The following HECTD4 variants were observed in gnomAD, a reference collection of about 807,000 sequenced individuals.
HECTD4 encodes the protein HECT domain E3 ubiquitin protein ligase 4, also known as probable E3 ubiquitin-protein ligase HECTD4.
Under a neutral mutation model 471.5 loss-of-function variants are expected in HECTD4, and 114 were observed. The observed-to-expected ratio is 0.24, with a 90% CI of 0.21 to 0.28. The LOEUF is 0.28. HECTD4 is among the 10% of genes least tolerant of loss of function. The pLI is 1.00. For missense variants in HECTD4, 3,866 were observed against 5,651.5 expected, an observed-to-expected ratio of 0.68 and a Z score of 10.13; for synonymous variants, 2,012 against 2,256.0, an observed-to-expected ratio of 0.89 and a Z score of 3.07.
chr12:112,194,926 A>G lies in HECTD4; in HGVS notation c.8708T>C (p.Leu2903Pro). 1 of 1,609,128 alleles carries G rather than the reference A, an allele frequency of 6.2e-7. No homozygotes were observed. Among genetic ancestry groups the G allele is most frequent in the Non-Finnish European group, 8.5e-7 (1 of 1,177,862 alleles). ...GAGGAGCTGATTGGACAGCAGTTGC[A>G]GGTGCTCCAGGGTAATGTCCCGGAT... Reference protein sequence around the residue: ...PAIRDITLEHLQLLSNQLLAP... With the variant: ...PAIRDITLEHPQLLSNQLLAP... The change falls in exon 56 of 76, where the codon CTG becomes CCG. Residue 2903 changes from leucine to proline, a missense_variant. By Grantham distance (98) the Leu-to-Pro change is moderately conservative. Transcript: ENST00000682272. This position sits in a 1 kb window ranked among gnomAD's most constrained non-coding sequence, Gnocchi z 4.6.
Position 112,184,284 on chromosome 12 carries a change from G to C in HECTD4, c.10682C>G (p.Thr3561Arg), listed in dbSNP as rs543857742. ...GGAGCCCATGTCCGACACCGAGGCCGTCTCTGCATTGTCCAGGGGCTCCCC... is the reference window on the plus strand; with the variant it reads ...GGAGCCCATGTCCGACACCGAGGCCCTCTCTGCATTGTCCAGGGGCTCCCC... The part of the protein sequence containing the change: ...SLGEPLDNAE[T>R]ASVSDMGSMY... The change falls in exon 61 of 76, where the codon ACG (threonine) becomes AGG (arginine). Residue 3561 changes from threonine (T) to arginine (R), a missense_variant. This residue lies in a region of HECTD4 where 192 missense variants were observed against 189.9 expected (regional missense o/e 1.01). Transcript: ENST00000682272. This position sits in a 1 kb window ranked among gnomAD's most constrained non-coding sequence, Gnocchi z 9.1. 3.7e-6 allele frequency: 6 copies of C among 1,613,476 alleles called. No individual in the cohort carries two copies. Among genetic ancestry groups the C allele is most frequent in the Non-Finnish European group, 8.5e-7 (1 of 1,179,816 alleles).
Position 112,247,464 on chromosome 12 carries a change from C to T in HECTD4, c.4335G>A (p.Leu1445=). 1 of 1,498,074 alleles carries T rather than the reference C, an allele frequency of 6.7e-7. No homozygotes were observed. Among genetic ancestry groups the T allele is most frequent in the Non-Finnish European group, 9.1e-7 (1 of 1,104,346 alleles). 92.8% of individuals were successfully genotyped at this position (1,498,074 alleles called of 1,614,324 possible). The change falls in exon 28 of 76, where the codon CTG becomes CTA. Residue 1445 remains leucine, a splice_region_variant and synonymous_variant. Coordinates refer to ENST00000682272, the MANE Select transcript of HECTD4 (RefSeq NM_001388303.1). Reference sequence around the variant, plus strand: ...TAATAGTTATTAATACGACTAACCTCAGTGATAGGACCATGTTTTCAAGAT... The same window carrying T: ...TAATAGTTATTAATACGACTAACCTTAGTGATAGGACCATGTTTTCAAGAT... ...GNDLENMVLS[L]REKFLQEVNS... is the part of the protein sequence containing the mutation.
At chr12:112,297,227 GGTGCAGAGGATGTAA>G (rs1193986163) in intron 7 of HECTD4, among the ~76,000 whole-genome samples, 1 of 148,432 alleles carries the variant, frequency 6.7e-6, no homozygotes, top group Non-Finnish European at 1.5e-5. Flanking sequence ...AGTGGATGTA[GGTGCAGAGGATGTAA>G]GTGCAGCAAG....
rs1594044976 is a variant in HECTD4, at chr12:112,324,062, CTTT to C, written c.178-4323_178-4321del. 1.4e-4 allele frequency among the ~76,000 whole-genome samples: 10 copies of C among 73,916 alleles called. 2 individuals carry two copies. Among genetic ancestry groups the C allele is most frequent in the African/African-American group, 8.8e-4 (10 of 11,360 alleles). 48.5% of individuals were successfully genotyped at this position (73,916 alleles called of 152,430 possible). A position where few individuals can be genotyped will look rare whatever the true frequency, so the allele number is the denominator to read the frequency against. On this transcript the variant is annotated intron_variant, in intron 1 of 75. Coordinates refer to ENST00000682272, the MANE Select transcript of HECTD4 (RefSeq NM_001388303.1). ...CCTTCCTTCCTTTCTTTCTTTCTTT[CTTT>C]CTTTCTTTCTTTCTTTCTTTCTTTC...
In HECTD4 at chr12:112,235,832, A is replaced by G. The variant is rs1345487180; in HGVS notation, c.5445-48T>C. On this transcript the variant is annotated intron_variant, in intron 35 of 75. Transcript: ENST00000682272. This position sits in a 1 kb window ranked among gnomAD's most constrained non-coding sequence, Gnocchi z 5.0. ...TACACAGTGCTAGAAATGTTGATCT[A>G]TAGACATTCAGAAGCAAGAGTTCTC... 2.0e-6 allele frequency: 3 copies of G among 1,484,742 alleles called. No individual in the cohort carries two copies. The highest frequency in any genetic ancestry group is 1.8e-6 in the Non-Finnish European group (2 of 1,102,726). 92.0% of individuals were successfully genotyped at this position (1,484,742 alleles called of 1,614,324 possible).
chr12:112,233,900 G>T (rs2033443141), intron 37 of HECTD4, among the ~76,000 whole-genome samples: 1 of 152,130 alleles, frequency 6.6e-6, no homozygotes, highest in African/African-American at 2.4e-5. Flanking sequence ...CTGGACACTT[G>T]AGACTTTATT....
At chr12:112,289,836 C>T (rs943712033) in intron 7 of HECTD4, among the ~76,000 whole-genome samples, 5 of 152,010 alleles carry the variant, frequency 3.3e-5, no homozygotes, top group Non-Finnish European at 1.5e-5. Context: ...ACCACCACGC[C>T]CAGCTAATTT....
Position 112,250,397 on chromosome 12 carries a change from G to GCT in HECTD4, c.3717-22_3717-21dup, listed in dbSNP as rs1283687296. The GCT allele has an allele frequency of 6.5e-7, 1 of 1,539,872 alleles. No homozygotes were observed. Among genetic ancestry groups the GCT allele is most frequent in the Non-Finnish European group, 9.0e-7 (1 of 1,113,214 alleles). On this transcript the variant is annotated intron_variant, in intron 24 of 75. Transcript: ENST00000682272. ...TGGCACCTGAGCAGACAGAAAAGAG[G>GCT]CTCTTCACTTCCTCTCTCAACAAGA...
intron 1 of HECTD4, among the ~76,000 whole-genome samples, chr12:112,349,735 C>G (rs1184939185): frequency 1.3e-5 from 2 of 152,018 alleles, no homozygotes; most frequent in Admixed American, 1.3e-4. Context: ...TTCCTGGAAA[C>G]AGTGCCTGGA....
chr12:112,258,301 A>G (rs1329158225), intron 20 of HECTD4, 195 bp downstream of exon 20: 14 of 408,744 alleles, frequency 3.4e-5, no homozygotes, highest in Non-Finnish European at 6.0e-5. Flanking sequence ...CTCTTGATCC[A>G]TGGGGAAATT....
rs1273559066 is a variant in HECTD4, at chr12:112,265,913, G to A, written c.2463C>T (p.Asn821=). The change falls in exon 15 of 76, where the codon AAC becomes AAT. Residue 821 remains asparagine, a synonymous_variant. Transcript: ENST00000682272. Reference sequence around the variant, plus strand: ...CATCCTCATCACTGCCAAATCGGTTGTTTTGGAGCTGTTCAGCCAGGTTGG... The same window carrying A: ...CATCCTCATCACTGCCAAATCGGTTATTTTGGAGCTGTTCAGCCAGGTTGG... ...ILTNLAEQLQ[N]NRFGSDEDDH... is the part of the protein sequence containing the mutation. 6.2e-7 allele frequency: 1 copy of A among 1,613,950 alleles called. No individual in the cohort carries two copies. The highest frequency in any genetic ancestry group is 1.1e-5 in the South Asian group (1 of 91,086).
chr12:112,382,261 G>A lies in HECTD4; in HGVS notation c.-133C>T. ...CGGCGCCCCACTTGCTGCCTCGCCCGTGCAACTCCGCCCTAGGCGGTCCGA... is the reference window on the plus strand; with the variant it reads ...CGGCGCCCCACTTGCTGCCTCGCCCATGCAACTCCGCCCTAGGCGGTCCGA... On this transcript the variant is annotated 5_prime_UTR_variant, in exon 1 of 76. The change creates a new upstream start codon in the 5' untranslated region. Coordinates refer to ENST00000682272, the MANE Select transcript of HECTD4 (RefSeq NM_001388303.1). 1 of 731,076 alleles carries A rather than the reference G, an allele frequency of 1.4e-6. No individual in the cohort carries two copies. The highest frequency in any genetic ancestry group is 1.8e-6 in the Non-Finnish European group (1 of 542,058). 45.3% of individuals were successfully genotyped at this position (731,076 alleles called of 1,614,324 possible).
Position 112,171,186 on chromosome 12 carries a change from G to T in HECTD4, c.11863C>A (p.Pro3955Thr), listed in dbSNP as rs971909614. The T allele has an allele frequency of 1.2e-6, 2 of 1,613,318 alleles. No individual in the cohort carries two copies. Among genetic ancestry groups the T allele is most frequent in the Admixed American group, 1.7e-5 (1 of 59,888 alleles). ...GGTGTCTGGCGCAGCTCCACCAGGG[G>T]CAGGAAGAAGGTCTCCAGTGTGGTG... ...LNTTLETFFLPLVELRQTPMY... is the reference protein window; with the variant it reads ...LNTTLETFFLTLVELRQTPMY... The change falls in exon 68 of 76, where the codon CCC (proline) becomes ACC (threonine). Residue 3955 changes from proline to threonine, a missense_variant. Around this residue, in one of 16 missense-constraint regions of HECTD4, gnomAD observed 715 missense variants for 1,087.6 expected, o/e 0.66. Transcript: ENST00000682272.
chr12:112,185,868 C>G (rs2031842033), intron 60 of HECTD4, among the ~76,000 whole-genome samples: 1 of 152,256 alleles, frequency 6.6e-6, no homozygotes, highest in Non-Finnish European at 1.5e-5. Flanking sequence ...ATGGGGCACA[C>G]AAGCCAATTT....
Position 112,314,615 on chromosome 12 carries a change from A to T in HECTD4, c.696-69T>A, listed in dbSNP as rs2035441527. 10 of 862,190 alleles carry T rather than the reference A, an allele frequency of 1.2e-5. No individual in the cohort carries two copies. In the South Asian group the frequency reaches 1.4e-4, roughly 12 times the overall value. The allele number at this position is 862,190 out of a possible 1,614,324, so 53.4% of individuals were successfully genotyped here. ...TCAAATAATTTAGGTCATTAATGCT[A>T]ATTTAATTAACCACATGGAAAAGTT... On this transcript the variant is annotated intron_variant, in intron 2 of 75. Coordinates refer to ENST00000682272, the MANE Select transcript of HECTD4 (RefSeq NM_001388303.1).
intron 62 of HECTD4, among the ~76,000 whole-genome samples, chr12:112,181,601 T>C (rs1472853085): frequency 3.9e-5 from 6 of 152,316 alleles, no homozygotes; most frequent in South Asian, 4.1e-4. Flanking sequence ...TAGCTGGGAC[T>C]ACAGGCATAC....
At position 112,283,369 on chromosome 12, in the gene HECTD4, A is replaced by G. The variant is rs1054700470; in HGVS notation, c.1336-67T>C. 2.4e-6 allele frequency: 3 copies of G among 1,243,606 alleles called. No homozygotes were observed. In the East Asian group the frequency reaches 7.2e-5, roughly 30 times the overall value. The allele number at this position is 1,243,606 out of a possible 1,614,324, so 77.0% of individuals were successfully genotyped here. ...CCATTTAGTTAGCAAATTTCTACTG[A>G]GGATATTATTGTGAGTAAATAAAAA... On this transcript the variant is annotated intron_variant, in intron 7 of 75. Coordinates refer to ENST00000682272, the MANE Select transcript of HECTD4 (RefSeq NM_001388303.1).
chr12:112,313,925 A>G (rs2135692621), intron 3 of HECTD4, among the ~76,000 whole-genome samples: 1 of 152,346 alleles, frequency 6.6e-6, no homozygotes, highest in South Asian at 2.1e-4. Flanking sequence ...CATATGTACC[A>G]AAATGTTAGG....
intron 44 of HECTD4, among the ~76,000 whole-genome samples, chr12:112,222,610 T>C (rs2033130304): frequency 6.6e-6 from 1 of 152,152 alleles, no homozygotes; most frequent in Admixed American, 6.5e-5. Flanking sequence ...GAGATTGTAG[T>C]GAGCTAAGAT....
Sources: gnomAD v4.1 joint callset for allele counts (sites outside exome capture counted in the v4.1 genomes callset) on GRCh38, gnomAD v4.1.1 for gene constraint, gnomAD v4.1.1 regional missense constraint, Gnocchi (gnomAD v3.1) non-coding constraint, MANE v1.5 for transcripts, NCBI Gene and HGNC (gene_info 2026-07-23, HGNC 2026-07-21) for gene names.